Variants in NCK1 observed in about 807,000 individuals in gnomAD.
The protein encoded by NCK1 is SH2/SH3 adapter protein NCK1.
In NCK1, 19 loss-of-function variants were observed where a neutral mutation model predicts 36.6. That is an observed-to-expected ratio of 0.52 (90% confidence interval 0.36 to 0.76). NCK1 has a LOEUF of 0.76. Among genes scored for constraint, NCK1 ranks in the 30% least tolerant of loss-of-function variants. NCK1 has a pLI of 0.00. For synonymous variants in NCK1, 165 were observed against 156.0 expected, an observed-to-expected ratio of 1.06 and a Z score of -0.43; for missense variants, 358 against 445.6, an observed-to-expected ratio of 0.80 and a Z score of 1.77.
At chr3:136,878,963 G>A (rs1938853580) in intron 1 of NCK1, among the ~76,000 whole-genome samples, 1 of 152,144 alleles carries the variant, frequency 6.6e-6, no homozygotes, top group Non-Finnish European at 1.5e-5. Context: ...TTGGAGGATG[G>A]TTCTCTTACT....
intron 1 of NCK1, among the ~76,000 whole-genome samples, chr3:136,911,582 G>T (rs1042294871): frequency 6.6e-6 from 1 of 152,038 alleles, no homozygotes; most frequent in African/African-American, 2.4e-5. Context: ...CTAAAACCAG[G>T]TTGCTTTCTT....
intron 2 of NCK1, among the ~76,000 whole-genome samples, chr3:136,945,256 AAG>A (rs2108151868): frequency 6.6e-6 from 1 of 152,328 alleles, no homozygotes; most frequent in East Asian, 1.9e-4. Context: ...GTAGCTATGA[AAG>A]AAATCTATAT....
intron 1 of NCK1, among the ~76,000 whole-genome samples, chr3:136,908,164 A>G (rs1939736526): frequency 6.6e-6 from 1 of 152,220 alleles, no homozygotes; most frequent in Non-Finnish European, 1.5e-5. Flanking sequence ...AAAAAGCATG[A>G]GATTCTTTAT....
chr3:136,880,823 G>T (rs1217567033), intron 1 of NCK1, among the ~76,000 whole-genome samples: 1 of 152,058 alleles, frequency 6.6e-6, no homozygotes, highest in African/African-American at 2.4e-5. Context: ...TGCCCTGGCT[G>T]GTCTTGAACT....
rs1241772950 is a variant in NCK1, at chr3:136,950,765, A to G, written c.*2312A>G. On this transcript the variant is annotated 3_prime_UTR_variant, in exon 4 of 4. Coordinates refer to ENST00000481752, the MANE Select transcript of NCK1 (RefSeq NM_001291999.2). ...TAGGAGGAGAGTCCTGGGAAGGGCA[A>G]TATTACAGAAGTTTTCTTCCACATG... Among the ~76,000 whole-genome samples the G allele has an allele frequency of 6.6e-6, 1 of 152,102 alleles. No individual in the cohort carries two copies. The highest frequency in any genetic ancestry group is 2.4e-5 in the African/African-American group (1 of 41,412).
In NCK1 at chr3:136,922,630, T is replaced by C. The variant is rs532515842; in HGVS notation, c.-18-5354T>C. Among the ~76,000 whole-genome samples, 16 of 152,352 alleles carry C rather than the reference T, an allele frequency of 1.1e-4. No homozygotes were observed. The Middle Eastern group carries it at 0.01, about 97-fold the overall frequency. ...ATAAGAGAAATACAAATTACAACTC[T>C]GAAATACTATTTCTCCCCTATTAGA... On this transcript the variant is annotated intron_variant, in intron 1 of 3. Transcript: ENST00000481752.
chr3:136,891,217 C>T (rs531087128), intron 1 of NCK1, among the ~76,000 whole-genome samples: 1 of 152,342 alleles, frequency 6.6e-6, no homozygotes, highest in South Asian at 2.1e-4. Flanking sequence ...CATTTGCAAC[C>T]TCCGCCTCCT....
In NCK1 at chr3:136,876,421, A is replaced by G. The variant is rs556109004; in HGVS notation, c.-19+14068A>G. Among the ~76,000 whole-genome samples, 217 of 152,278 alleles carry G rather than the reference A, an allele frequency of 1.4e-3. No homozygotes were observed. In the South Asian group the frequency reaches 0.022, roughly 16 times the overall value. ...TAGACCGCTAGCAAGACTAATAAAG[A>G]AAAAGAGAAGAATCAAATAGACACA... On this transcript the variant is annotated intron_variant, in intron 1 of 3. Transcript: ENST00000481752.
intron 1 of NCK1, among the ~76,000 whole-genome samples, chr3:136,880,924 C>T (rs1415317712): frequency 6.6e-6 from 1 of 152,250 alleles, no homozygotes; most frequent in East Asian, 1.9e-4. Flanking sequence ...AACTCTTGAT[C>T]CCTTCATTCT....
In NCK1 at chr3:136,948,507, G is replaced by T; in HGVS notation, c.*54G>T. The T allele has an allele frequency of 6.7e-7, 1 of 1,499,542 alleles. No homozygotes were observed. The highest frequency in any genetic ancestry group is 9.1e-7 in the Non-Finnish European group (1 of 1,097,356). 92.9% of individuals were successfully genotyped at this position (1,499,542 alleles called of 1,614,324 possible). A position where few individuals can be genotyped will look rare whatever the true frequency, so the allele number is the denominator to read the frequency against. ...AGCTGTAATTTGTCATGTAATTGAAGACTGAGAAAATGTTGGGTCCAGTCG... is the reference window on the plus strand; with the variant it reads ...AGCTGTAATTTGTCATGTAATTGAATACTGAGAAAATGTTGGGTCCAGTCG... On this transcript the variant is annotated 3_prime_UTR_variant, in exon 4 of 4. Transcript: ENST00000481752.
chr3:136,869,756 G>C (rs1365598397), intron 1 of NCK1, among the ~76,000 whole-genome samples: 1 of 152,128 alleles, frequency 6.6e-6, no homozygotes, highest in Non-Finnish European at 1.5e-5. Context: ...AAATCTCTCT[G>C]TGGAGGGAAA....
chr3:136,942,060 G>A lies in NCK1; in HGVS notation c.227-3523G>A, dbSNP rs1940693057. On this transcript the variant is annotated intron_variant, in intron 2 of 3. Transcript: ENST00000481752. ...TCACCATGTTGGCCAGGCTGGTTTC[G>A]ATCTCCTGACCTCGTGATCCACCCA... is the stretch of plus-strand genomic sequence containing the variant. 4.6e-5 allele frequency among the ~76,000 whole-genome samples: 7 copies of A among 152,064 alleles called. No individual in the cohort carries two copies. The South Asian group carries it at 1.4e-3, about 31-fold the overall frequency.
chr3:136,950,822 T>C lies in NCK1; in HGVS notation c.*2369T>C, dbSNP rs888480186. Among the ~76,000 whole-genome samples the C allele has an allele frequency of 1.3e-5, 2 of 152,124 alleles. No individual in the cohort carries two copies. The highest frequency in any genetic ancestry group is 2.9e-5 in the Non-Finnish European group (2 of 67,994). ...ATGCTTAGTTTCAAATTTAAATACATGTGTCAGATGGAACCCTGCCTAACT... is the reference window on the plus strand; with the variant it reads ...ATGCTTAGTTTCAAATTTAAATACACGTGTCAGATGGAACCCTGCCTAACT... On this transcript the variant is annotated 3_prime_UTR_variant, in exon 4 of 4. Coordinates refer to ENST00000481752, the MANE Select transcript of NCK1 (RefSeq NM_001291999.2).
intron 1 of NCK1, among the ~76,000 whole-genome samples, chr3:136,875,097 G>C (rs1261991754): frequency 6.6e-6 from 1 of 152,030 alleles, no homozygotes; most frequent in Non-Finnish European, 1.5e-5. Flanking sequence ...TTAGTTCTGG[G>C]ACATTTTCTT....
At position 136,948,591 on chromosome 3, in the gene NCK1, A is replaced by G; in HGVS notation, c.*138A>G. 2.8e-6 allele frequency: 2 copies of G among 719,164 alleles called. No individual in the cohort carries two copies. The highest frequency in any genetic ancestry group is 2.3e-6 in the Non-Finnish European group (1 of 438,454). 44.5% of individuals were successfully genotyped at this position (719,164 alleles called of 1,614,324 possible). A position where few individuals can be genotyped will look rare whatever the true frequency, so the allele number is the denominator to read the frequency against. On this transcript the variant is annotated 3_prime_UTR_variant, in exon 4 of 4. Coordinates refer to ENST00000481752, the MANE Select transcript of NCK1 (RefSeq NM_001291999.2). ...ATGAGAATTGACAATAAGTATTTTTATTATAACTCAGCCCATACATATATA... is the reference window on the plus strand; with the variant it reads ...ATGAGAATTGACAATAAGTATTTTTGTTATAACTCAGCCCATACATATATA...
intron 1 of NCK1, among the ~76,000 whole-genome samples, chr3:136,885,470 A>G (rs1939053111): frequency 6.6e-6 from 1 of 151,984 alleles, no homozygotes; most frequent in South Asian, 2.1e-4. Context: ...ATGGCTGGTT[A>G]ATTTTTGAAT....
chr3:136,915,712 C>T (rs889471559), intron 1 of NCK1, among the ~76,000 whole-genome samples: 1 of 151,780 alleles, frequency 6.6e-6, no homozygotes, highest in African/African-American at 2.4e-5. Flanking sequence ...GGTGAAGGTG[C>T]CAAACACTTT....
At chr3:136,921,337 A>G (rs891256408) in intron 1 of NCK1, among the ~76,000 whole-genome samples, 1 of 152,248 alleles carries the variant, frequency 6.6e-6, no homozygotes, top group African/African-American at 2.4e-5. Context: ...GACGTGCTCC[A>G]GCAAAATGAA....
At chr3:136,886,971 G>A (rs1017938938) in intron 1 of NCK1, among the ~76,000 whole-genome samples, 3 of 151,978 alleles carry the variant, frequency 2.0e-5, no homozygotes, top group African/African-American at 7.2e-5. Flanking sequence ...AGCCTCCCAA[G>A]TAGCTGGGAC....
Sources: allele counts gnomAD v4.1 joint callset (sites outside exome capture counted in the v4.1 genomes callset), GRCh38; gene constraint gnomAD v4.1.1; transcripts MANE v1.5; gene names NCBI Gene and HGNC (gene_info 2026-07-23, HGNC 2026-07-21).